LARGE1: variants seen among roughly 807,000 people sequenced by gnomAD.
The protein encoded by LARGE1 is xylosyl- and glucuronyltransferase LARGE1.
In LARGE1, 43 loss-of-function variants were observed where a neutral mutation model predicts 87.6. That is an observed-to-expected ratio of 0.49 (90% CI 0.38 to 0.63). LARGE1 has a LOEUF of 0.63. Among genes scored for constraint, LARGE1 ranks in the 30% least tolerant of loss-of-function variants. The pLI is 0.00. For synonymous variants in LARGE1, 434 were observed against 394.6 expected (o/e 1.10, Z -1.18); for missense variants, 802 against 1,000.2 (o/e 0.80, Z 2.67).
At chr22:33,521,680 T>G (rs1156644406) in intron 6 of LARGE1, among the ~76,000 whole-genome samples, 1 of 152,146 alleles carries the variant, frequency 6.6e-6, no homozygotes, top group Non-Finnish European at 1.5e-5. Flanking sequence ...CTTGTGGCCA[T>G]TTTTTGCAAA....
chr22:33,567,694 A>G (rs532345172), intron 5 of LARGE1, among the ~76,000 whole-genome samples: 2 of 152,302 alleles, frequency 1.3e-5, no homozygotes, highest in South Asian at 4.1e-4. Flanking sequence ...CTGGACTTCC[A>G]GTATACCTGT....
intron 11 of LARGE1, among the ~76,000 whole-genome samples, chr22:33,195,157 A>G (rs749743330): frequency 6.6e-6 from 1 of 152,170 alleles, no homozygotes; most frequent in African/African-American, 2.4e-5. Context: ...GGTTACTTTT[A>G]GTATAGAAAA....
intron 6 of LARGE1, among the ~76,000 whole-genome samples, chr22:33,512,938 T>A (rs1416850362): frequency 2.0e-5 from 3 of 152,206 alleles, no homozygotes; most frequent in African/African-American, 7.2e-5. Context: ...GCAAACACAT[T>A]CACTGTTTTT....
At chr22:33,572,588 G>C (rs544090236) in intron 5 of LARGE1, among the ~76,000 whole-genome samples, 1 of 152,204 alleles carries the variant, frequency 6.6e-6, no homozygotes, top group Non-Finnish European at 1.5e-5. Context: ...ATCAGGGCTC[G>C]ATATGAGTGT....
downstream of LARGE1, among the ~76,000 whole-genome samples, chr22:33,161,754 GC>G (rs1262140931): frequency 1.3e-5 from 2 of 152,194 alleles, no homozygotes; most frequent in East Asian, 1.9e-4. Context: ...GCATAATACA[GC>G]CCCCCTCCCA....
intron 11 of LARGE1, among the ~76,000 whole-genome samples, chr22:33,309,024 T>G (rs1935253871): frequency 1.3e-5 from 2 of 152,314 alleles, no homozygotes; most frequent in South Asian, 4.1e-4. Flanking sequence ...CCAATGCATC[T>G]GGTATACTAT....
chr22:33,131,010 G>C, the LARGE1 span, among the ~76,000 whole-genome samples: 4 of 126,414 alleles, frequency 3.2e-5, no homozygotes, highest in Non-Finnish European at 6.3e-5. Flanking sequence ...CTCCAGCCTG[G>C]GCGACAGAGC....
Position 33,909,559 on chromosome 22 carries a change from G to A in LARGE1, c.-83+10436C>T, listed in dbSNP as rs1232300667. 4.6e-5 allele frequency among the ~76,000 whole-genome samples: 7 copies of A among 150,882 alleles called. No homozygotes were observed. The East Asian group carries it at 5.9e-4, about 13-fold the overall frequency. ...TTGTTTTTGTTTTTGTTTTTGAGAC[G>A]GAGTCTCGCTCTGTCATCCAGGCTG... On this transcript the variant is annotated intron_variant, in intron 1 of 14. Transcript: ENST00000397394.
chr22:33,619,203 T>C (rs957384736), intron 4 of LARGE1, among the ~76,000 whole-genome samples: 1 of 152,230 alleles, frequency 6.6e-6, no homozygotes, highest in Non-Finnish European at 1.5e-5. Context: ...TGCATCAAAA[T>C]GATTATGGAG....
chr22:33,851,332 C>A (rs902780986), intron 1 of LARGE1, among the ~76,000 whole-genome samples: 1 of 152,224 alleles, frequency 6.6e-6, no homozygotes, highest in African/African-American at 2.4e-5. Context: ...CTCTCTACCG[C>A]CCCAGCCTTC....
In LARGE1 at chr22:33,766,913, CAT is replaced by C. The variant is rs34406131; in HGVS notation, c.-82-5357_-82-5356del. 4.8e-3 allele frequency among the ~76,000 whole-genome samples: 537 copies of C among 111,374 alleles called. 1 individual carries two copies. The highest frequency in any genetic ancestry group is 6.8e-3 in the Non-Finnish European group (372 of 54,464). The allele number at this position is 111,374 out of a possible 152,430, so 73.1% of individuals were successfully genotyped here. Reference sequence around the variant, plus strand: ...AGAATATGACTAATTTAAACATATACATATATATATATATATATATATATATA... The same window carrying C: ...AGAATATGACTAATTTAAACATATACATATATATATATATATATATATATA... On this transcript the variant is annotated intron_variant, in intron 1 of 14. Transcript: ENST00000397394.
Position 33,829,006 on chromosome 22 carries a change from C to CTTTTTTT in LARGE1, c.-82-67455_-82-67449dup, listed in dbSNP as rs776583343. Among the ~76,000 whole-genome samples, 815 of 94,368 alleles carry CTTTTTTT rather than the reference C, an allele frequency of 8.6e-3. 3 individuals are homozygous for CTTTTTTT. Among genetic ancestry groups the CTTTTTTT allele is most frequent in the East Asian group, 0.018 (54 of 3,002 alleles). The allele number at this position is 94,368 out of a possible 152,430, so 61.9% of individuals were successfully genotyped here. ...GAGATGCTTTGTGAAGTCTCTTTTT[C>CTTTTTTT]TTTTTTTTTTTTTTTTTTTTTTGAG... is the stretch of plus-strand genomic sequence containing the variant. On this transcript the variant is annotated intron_variant, in intron 1 of 14. Transcript: ENST00000397394.
At chr22:33,133,892 AAGATGACTTC>A in the LARGE1 span, among the ~76,000 whole-genome samples, 1 of 152,228 alleles carries the variant, frequency 6.6e-6, no homozygotes. Context: ...TGCTGGGTTA[AAGATGACTTC>A]TCACTTTAAG....
At chr22:33,914,872 A>C (rs2065737409) in intron 1 of LARGE1, among the ~76,000 whole-genome samples, 1 of 152,140 alleles carries the variant, frequency 6.6e-6, no homozygotes, top group East Asian at 1.9e-4. Flanking sequence ...AGATGCCAAG[A>C]AATATTCTAA....
At chr22:33,885,219 T>TA (rs66639096) in intron 1 of LARGE1, among the ~76,000 whole-genome samples, 108,094 of 152,088 alleles carry the variant, frequency 0.71, 38,937 homozygotes, top group East Asian at 1. Context: ...CCATGCTTCC[T>TA]ATACCAGTGA....
intron 6 of LARGE1, among the ~76,000 whole-genome samples, chr22:33,540,348 A>G (rs766008820): frequency 1.3e-5 from 2 of 152,038 alleles, no homozygotes; most frequent in South Asian, 2.1e-4. Flanking sequence ...CTAAGTGCCA[A>G]CCTCAGCTCG....
the LARGE1 span, among the ~76,000 whole-genome samples, chr22:33,115,418 C>T: frequency 4.6e-4 from 69 of 150,766 alleles, no homozygotes; most frequent in Non-Finnish European, 8.8e-4. Context: ...CTCCATCGCT[C>T]CTGCCTGGGC....
chr22:33,283,413 T>C, intron 12 of LARGE1, 65 bp from the exon 13 acceptor site: 3 of 1,585,494 alleles, frequency 1.9e-6, no homozygotes, highest in South Asian at 1.1e-5. Context: ...CTTTCCCCCA[T>C]GAGGGCGGGG....
At chr22:33,292,527 A>G (rs954129309) in intron 12 of LARGE1, among the ~76,000 whole-genome samples, 1 of 152,140 alleles carries the variant, frequency 6.6e-6, no homozygotes, top group Non-Finnish European at 1.5e-5. Context: ...ACGATGTTCA[A>G]TGGCAAAGGA....
Sources: gnomAD v4.1 joint callset for allele counts (sites outside exome capture counted in the v4.1 genomes callset) on GRCh38, gnomAD v4.1.1 for gene constraint, MANE v1.5 for transcripts, NCBI Gene and HGNC (gene_info 2026-07-23, HGNC 2026-07-21) for gene names.